PKN2: variants seen among roughly 807,000 people sequenced by gnomAD.
PKN2 encodes serine/threonine-protein kinase N2.
In PKN2, 38 loss-of-function variants were observed where a neutral mutation model predicts 119.1. That is an observed-to-expected ratio of 0.32 (90% CI 0.25 to 0.42). The LOEUF is 0.42. Ranked by LOEUF, PKN2 falls within the 10% of genes least tolerant of loss-of-function variation. The probability of loss-of-function intolerance (pLI) is 1.00; values close to 1 mark genes in which losing one functional copy is unlikely to be tolerated. For synonymous variants in PKN2, 390 were observed against 384.9 expected (o/e 1.01, Z -0.15); for missense variants, 850 against 1,165.1 (o/e 0.73, Z 3.94).
At chr1:88,791,741 A>G (rs1227398151) in intron 8 of PKN2, among the ~76,000 whole-genome samples, 1 of 152,160 alleles carries the variant, frequency 6.6e-6, no homozygotes, top group Non-Finnish European at 1.5e-5. Flanking sequence ...AGAGTCTCCT[A>G]TCAGATAACA....
At chr1:88,739,201 C>T (rs975400737) in intron 1 of PKN2, among the ~76,000 whole-genome samples, 6 of 151,878 alleles carry the variant, frequency 4.0e-5, no homozygotes, top group East Asian at 1.9e-4. Context: ...AGGCTGGGCA[C>T]GTGTTTCATG....
intron 3 of PKN2, among the ~76,000 whole-genome samples, chr1:88,762,234 C>T (rs1214234425): frequency 6.6e-6 from 1 of 152,142 alleles, no homozygotes; most frequent in Non-Finnish European, 1.5e-5. Flanking sequence ...AAATAGATAA[C>T]CTAAAACAAC....
chr1:88,807,826 A>G (rs1200668841), intron 15 of PKN2, 51 bp downstream of exon 15: 3 of 1,086,842 alleles, frequency 2.8e-6, no homozygotes, highest in South Asian at 1.4e-5. Context: ...GTAAGTTAAG[A>G]GAAATGATAT....
rs560919251 is a variant in PKN2, at chr1:88,685,254, C to CT, written c.48+639dup. Reference sequence around the variant, plus strand: ...TTATCTTTTTCTTTTCTTTTCCTTTCTTTTTTTTTTTTTAACCGAGTGATA... The same window carrying CT: ...TTATCTTTTTCTTTTCTTTTCCTTTCTTTTTTTTTTTTTTAACCGAGTGATA... On this transcript the variant is annotated intron_variant, in intron 1 of 21. Transcript: ENST00000370521. 519 of 144,518 alleles carry CT rather than the reference C, an allele frequency of 3.6e-3. 1 individual carries two copies. The highest frequency in any genetic ancestry group is 0.011 in the Middle Eastern group (3 of 284). The allele number at this position is 144,518 out of a possible 1,614,324, so 9.0% of individuals were successfully genotyped here. A position where few individuals can be genotyped will look rare whatever the true frequency, so the allele number is the denominator to read the frequency against.
At chr1:88,759,547 G>T (rs773508645) in intron 2 of PKN2, among the ~76,000 whole-genome samples, 14 of 152,012 alleles carry the variant, frequency 9.2e-5, no homozygotes, top group Non-Finnish European at 1.9e-4. Flanking sequence ...TCCTTGTTAA[G>T]TTCATCATGG....
At chr1:88,770,698 G>A (rs1232726816) in intron 4 of PKN2, among the ~76,000 whole-genome samples, 1 of 149,550 alleles carries the variant, frequency 6.7e-6, no homozygotes, top group Non-Finnish European at 1.5e-5. Flanking sequence ...CCATTCTCCT[G>A]CCTCAGCCTC....
intron 18 of PKN2, among the ~76,000 whole-genome samples, chr1:88,827,630 T>TTCCCA (rs1672555013): frequency 8.4e-6 from 1 of 118,940 alleles, no homozygotes; most frequent in African/African-American, 3.2e-5. Context: ...TTCCCTTCCC[T>TTCCCA]TCCCTTCCCT....
At chr1:88,775,832 G>A (rs989360059) in intron 6 of PKN2, among the ~76,000 whole-genome samples, 3 of 152,216 alleles carry the variant, frequency 2.0e-5, no homozygotes, top group East Asian at 1.9e-4. Flanking sequence ...CTGGCCAGGC[G>A]CAGTGGCTCA....
chr1:88,806,570 G>A (rs1454252171), intron 12 of PKN2, among the ~76,000 whole-genome samples: 1 of 152,150 alleles, frequency 6.6e-6, no homozygotes, highest in African/African-American at 2.4e-5. Context: ...TTAGCCTCTG[G>A]ATGCTCATGG....
At position 88,804,239 on chromosome 1, in the gene PKN2, A is replaced by G. The variant is rs1671445110; in HGVS notation, c.1282-152A>G. The G allele has an allele frequency of 6.5e-6, 4 of 612,640 alleles. No individual in the cohort carries two copies. The East Asian group carries it at 8.3e-5, about 13-fold the overall frequency. The allele number at this position is 612,640 out of a possible 1,614,324, so 38.0% of individuals were successfully genotyped here. A position where few individuals can be genotyped will look rare whatever the true frequency, so the allele number is the denominator to read the frequency against. ...TTGATAAAGTACTATACAGTTGAGA[A>G]ATGTTACAAACCTCTTTAAAACAGT... On this transcript the variant is annotated intron_variant, in intron 8 of 21. Coordinates refer to ENST00000370521, the MANE Select transcript of PKN2 (RefSeq NM_006256.4).
At chr1:88,710,073 T>A (rs566991581) in intron 1 of PKN2, among the ~76,000 whole-genome samples, 26 of 152,324 alleles carry the variant, frequency 1.7e-4, no homozygotes, top group African/African-American at 6.0e-4. Flanking sequence ...TTGAAATCAA[T>A]AGACTACCTC....
At chr1:88,788,978 C>T (rs540920490) in intron 8 of PKN2, among the ~76,000 whole-genome samples, 2 of 152,228 alleles carry the variant, frequency 1.3e-5, no homozygotes, top group East Asian at 3.9e-4. Flanking sequence ...TTTAGAATAA[C>T]GTTACTAACA....
intron 1 of PKN2, among the ~76,000 whole-genome samples, chr1:88,733,499 CTA>C (rs904516832): frequency 2.0e-5 from 3 of 152,042 alleles, no homozygotes; most frequent in African/African-American, 4.8e-5. Context: ...GGAGAAATGT[CTA>C]TGTAGGCCTT....
At chr1:88,710,734 G>A (rs141260396) in intron 1 of PKN2, among the ~76,000 whole-genome samples, 1,659 of 152,198 alleles carry the variant, frequency 0.011, 25 homozygotes, top group African/African-American at 0.039. Flanking sequence ...TGTGGAAGAC[G>A]GTGTGGCAAT....
intron 6 of PKN2, chr1:88,781,165 A>C: frequency 3.1e-6 from 4 of 1,280,424 alleles, no homozygotes; most frequent in Middle Eastern, 4.3e-4. Context: ...ATGAATAGTA[A>C]GAGCATTTGC....
intron 1 of PKN2, among the ~76,000 whole-genome samples, chr1:88,724,771 A>G (rs978296435): frequency 8.0e-5 from 12 of 150,782 alleles, no homozygotes; most frequent in Non-Finnish European, 1.3e-4. Context: ...ACAGGGTTTC[A>G]CCATGTTGGC....
chr1:88,746,261 G>A (rs867415452), intron 2 of PKN2, among the ~76,000 whole-genome samples: 1 of 152,066 alleles, frequency 6.6e-6, no homozygotes, highest in Non-Finnish European at 1.5e-5. Context: ...AGCAAAAATA[G>A]ATAGATGGGT....
chr1:88,773,739 A>G (rs1198927666), intron 6 of PKN2, among the ~76,000 whole-genome samples: 1 of 152,150 alleles, frequency 6.6e-6, no homozygotes, highest in Non-Finnish European at 1.5e-5. Context: ...TGATTCCACC[A>G]CTGCACTCCA....
At chr1:88,785,497 C>T (rs1426718011) in intron 7 of PKN2, among the ~76,000 whole-genome samples, 8 of 152,024 alleles carry the variant, frequency 5.3e-5, no homozygotes, top group South Asian at 2.1e-4. Flanking sequence ...CTGATCCAGA[C>T]GTGTTTACTG....
Sources: allele counts gnomAD v4.1 joint callset (sites outside exome capture counted in the v4.1 genomes callset), GRCh38; gene constraint gnomAD v4.1.1; transcripts MANE v1.5; gene names NCBI Gene and HGNC (gene_info 2026-07-23, HGNC 2026-07-21).